EXOC4: variants seen among roughly 807,000 people sequenced by gnomAD.
EXOC4 encodes exocyst complex component 4.
Under a neutral mutation model 107.2 loss-of-function variants are expected in EXOC4, and 71 were observed. The ratio of observed to expected loss-of-function variants is 0.66; its 90% CI spans 0.55 to 0.81. The LOEUF (loss-of-function observed/expected upper bound fraction) is 0.81, where lower values mean the gene tolerates loss of function less well. EXOC4 is among the 30% of genes least tolerant of loss of function. The pLI is 0.00. For missense variants in EXOC4, 1,108 were observed against 1,189.6 expected, an observed-to-expected ratio of 0.93 and a Z score of 1.01; for synonymous variants, 456 against 441.2, an observed-to-expected ratio of 1.03 and a Z score of -0.42.
At chr7:133,330,663 TCCCTCAC>T (rs1795361593) in intron 5 of EXOC4, among the ~76,000 whole-genome samples, 1 of 151,618 alleles carries the variant, frequency 6.6e-6, no homozygotes, top group Non-Finnish European at 1.5e-5. Context: ...TCCCTCACAG[TCCCTCAC>T]AGTCCCTCAC....
At chr7:133,912,279 G>A (rs189323661) in intron 12 of EXOC4, among the ~76,000 whole-genome samples, 1 of 152,344 alleles carries the variant, frequency 6.6e-6, no homozygotes, top group East Asian at 1.9e-4. Context: ...CACAGAGAAA[G>A]TGAGTTTTTG....
chr7:134,002,397 T>G (rs1237839041), intron 15 of EXOC4, among the ~76,000 whole-genome samples: 1 of 152,130 alleles, frequency 6.6e-6, no homozygotes, highest in African/African-American at 2.4e-5. Flanking sequence ...GGAAAAAATT[T>G]TTATGATCTT....
At chr7:133,464,819 T>TTG (rs1476041355) in intron 7 of EXOC4, among the ~76,000 whole-genome samples, 1 of 117,622 alleles carries the variant, frequency 8.5e-6, no homozygotes, top group African/African-American at 3.2e-5. Context: ...TGGTTTTTTT[T>TTG]TTTTTTTTTT....
chr7:133,305,032 T>G (rs1321631621), intron 3 of EXOC4, among the ~76,000 whole-genome samples: 10 of 152,114 alleles, frequency 6.6e-5, no homozygotes, highest in African/African-American at 2.4e-4. Context: ...CATAATTTTG[T>G]GTACATGAAT....
At chr7:133,714,337 C>T (rs1794956702) in intron 10 of EXOC4, among the ~76,000 whole-genome samples, 1 of 152,106 alleles carries the variant, frequency 6.6e-6, no homozygotes, top group African/African-American at 2.4e-5. Context: ...ATGTTTCTTC[C>T]ATAGTCTGTA....
chr7:133,289,202 T>A, intron 3 of EXOC4, 86 bp downstream of exon 3: 1 of 1,175,798 alleles, frequency 8.5e-7, no homozygotes. Flanking sequence ...GTAATGCATG[T>A]AGCACATTAC....
chr7:133,300,197 G>C (rs556432414), intron 3 of EXOC4, among the ~76,000 whole-genome samples: 378 of 152,306 alleles, frequency 2.5e-3, no homozygotes, highest in Non-Finnish European at 3.0e-3. Flanking sequence ...CTGTTGATTA[G>C]CATATAGGCT....
chr7:133,289,203 A>G (rs1794349809), intron 3 of EXOC4, 87 bp downstream of exon 3: 1 of 1,151,086 alleles, frequency 8.7e-7, no homozygotes, highest in Non-Finnish European at 1.2e-6. Context: ...TAATGCATGT[A>G]GCACATTACA....
intron 9 of EXOC4, among the ~76,000 whole-genome samples, chr7:133,581,186 T>C (rs1026366645): frequency 1.3e-5 from 2 of 152,204 alleles, no homozygotes; most frequent in Non-Finnish European, 2.9e-5. Context: ...CTCAGAATTA[T>C]GGAAGTTTGA....
rs1219609211 is a variant in EXOC4, at chr7:133,814,366, A to G, written c.1515-2959A>G. Among the ~76,000 whole-genome samples the G allele has an allele frequency of 2.0e-5, 3 of 152,152 alleles. No homozygotes were observed. In the East Asian group the frequency reaches 5.8e-4, roughly 29 times the overall value. The stretch of plus-strand genomic sequence containing the variant: ...CAAAAGTTTCCACATTTGGGGGTAG[A>G]GGGAGCTGTACAGTATTCCAAAATG... On this transcript the variant is annotated intron_variant, in intron 10 of 17. Transcript: ENST00000253861.
At chr7:133,984,480 A>G (rs1794068212) in intron 14 of EXOC4, among the ~76,000 whole-genome samples, 1 of 152,222 alleles carries the variant, frequency 6.6e-6, no homozygotes, top group Non-Finnish European at 1.5e-5. Context: ...TATTTGGAAG[A>G]CATTAAGTTA....
At chr7:133,533,110 C>T (rs1389678091) in intron 9 of EXOC4, among the ~76,000 whole-genome samples, 2 of 152,032 alleles carry the variant, frequency 1.3e-5, no homozygotes, top group Non-Finnish European at 2.9e-5. Flanking sequence ...CCTTTGTTGC[C>T]TCCTTTCAGA....
intron 17 of EXOC4, among the ~76,000 whole-genome samples, chr7:134,021,184 A>G (rs1437265367): frequency 6.6e-6 from 1 of 152,240 alleles, no homozygotes; most frequent in Admixed American, 6.5e-5. Flanking sequence ...ATCCAATTCC[A>G]TAAAGATACT....
chr7:133,679,613 G>A (rs1794144533), intron 10 of EXOC4, among the ~76,000 whole-genome samples: 1 of 151,522 alleles, frequency 6.6e-6, no homozygotes, highest in African/African-American at 2.4e-5. Flanking sequence ...ATGCCTCATA[G>A]CTGGCCCTGG....
rs149344960 is a variant in EXOC4 at position 133,838,230 on chromosome 7, T to C, written c.1734+20686T>C. On this transcript the variant is annotated intron_variant, in intron 11 of 17. Transcript: ENST00000253861. ...TGTTTTTGTACTAGAGAGAATGATA[T>C]GGGGCCCAGACCATCTCTCAGCGGT... Among the ~76,000 whole-genome samples, 367 of 152,306 alleles carry C rather than the reference T, an allele frequency of 2.4e-3. 5 individuals are homozygous for C. Among genetic ancestry groups the C allele is most frequent in the African/African-American group, 8.2e-3 (341 of 41,564 alleles).
At chr7:133,373,193 G>T (rs1796414615) in intron 6 of EXOC4, among the ~76,000 whole-genome samples, 2 of 152,094 alleles carry the variant, frequency 1.3e-5, no homozygotes, top group South Asian at 4.1e-4. Context: ...TGTTTCAGTT[G>T]GTATGTTTAG....
chr7:134,044,756 A>G (rs1795607242), intron 17 of EXOC4, among the ~76,000 whole-genome samples: 2 of 152,246 alleles, frequency 1.3e-5, no homozygotes, highest in Non-Finnish European at 2.9e-5. Context: ...TGCTGTTAAT[A>G]TGTTCTTGCC....
At chr7:133,404,899 C>G (rs1797181153) in intron 7 of EXOC4, among the ~76,000 whole-genome samples, 1 of 33,552 alleles carries the variant, frequency 3.0e-5, no homozygotes, top group African/African-American at 1.2e-4. Context: ...CACACACACA[C>G]ACACGCACAC....
chr7:133,792,709 A>G (rs1796730798), intron 10 of EXOC4, among the ~76,000 whole-genome samples: 1 of 152,188 alleles, frequency 6.6e-6, no homozygotes, highest in African/African-American at 2.4e-5. Context: ...TCACTATGCT[A>G]TGTTGAAGCC....
Sources: allele counts gnomAD v4.1 joint callset (sites outside exome capture counted in the v4.1 genomes callset), GRCh38; gene constraint gnomAD v4.1.1; transcripts MANE v1.5; gene names NCBI Gene and HGNC (gene_info 2026-07-23, HGNC 2026-07-21).